The following PDE1C variants were observed in gnomAD, a reference collection of about 807,000 sequenced individuals.
The protein encoded by PDE1C is phosphodiesterase 1C.
In PDE1C, 62 loss-of-function variants were observed where a neutral mutation model predicts 93.1. The ratio of observed to expected loss-of-function variants is 0.67; its 90% CI spans 0.54 to 0.82. PDE1C has a LOEUF of 0.82. PDE1C is among the 40% of genes least tolerant of loss of function. The pLI, the probability that PDE1C is intolerant of heterozygous loss-of-function variation, is 0.00. For synonymous variants in PDE1C, 325 were observed against 310.1 expected (o/e 1.05, Z -0.50); for missense variants, 742 against 884.6 (o/e 0.84, Z 2.04).
At chr7:31,855,238 A>G (rs1287444438) in intron 7 of PDE1C, among the ~76,000 whole-genome samples, 1 of 152,072 alleles carries the variant, frequency 6.6e-6, no homozygotes, top group Non-Finnish European at 1.5e-5. Context: ...TCCCAAGAGT[A>G]TTCAGGGCAT....
At chr7:31,930,820 G>A (rs181952961) in intron 2 of PDE1C, among the ~76,000 whole-genome samples, 153 of 118,756 alleles carry the variant, frequency 1.3e-3, no homozygotes, top group African/African-American at 4.9e-3. Context: ...CTGCAGTCCA[G>A]CCTGGGCAAC....
chr7:31,993,839 A>G (rs184938230), intron 2 of PDE1C, among the ~76,000 whole-genome samples: 88 of 152,310 alleles, frequency 5.8e-4, no homozygotes, highest in Admixed American at 1.1e-3. Context: ...ATGATGAACT[A>G]AAGTGATCCC....
chr7:32,267,198 A>AGACC (rs1468879829), intron 1 of PDE1C, among the ~76,000 whole-genome samples: 1 of 152,238 alleles, frequency 6.6e-6, no homozygotes, highest in African/African-American at 2.4e-5. Flanking sequence ...GAGTGCAAGG[A>AGACC]GACCGGGTCA....
chr7:32,015,337 A>T (rs1269305363), intron 2 of PDE1C, among the ~76,000 whole-genome samples: 2 of 151,932 alleles, frequency 1.3e-5, no homozygotes, highest in Non-Finnish European at 2.9e-5. Context: ...GCTGAAAACC[A>T]TACAACTGGG....
At chr7:31,988,681 G>A (rs1165406529) in intron 2 of PDE1C, among the ~76,000 whole-genome samples, 1 of 152,138 alleles carries the variant, frequency 6.6e-6, no homozygotes, top group Admixed American at 6.6e-5. Flanking sequence ...ACAACAGAGT[G>A]AGACCCTGTC....
At chr7:32,349,947 C>T (rs985282721) in intron 1 of PDE1C, among the ~76,000 whole-genome samples, 1 of 152,134 alleles carries the variant, frequency 6.6e-6, no homozygotes, top group African/African-American at 2.4e-5. Flanking sequence ...ATTTTTTAAT[C>T]CCCTCTTTTT....
intron 2 of PDE1C, among the ~76,000 whole-genome samples, chr7:32,203,702 C>T (rs1332120144): frequency 6.6e-6 from 1 of 152,186 alleles, no homozygotes. Context: ...GGGATGGTGC[C>T]TAACATGATT....
At position 32,377,556 on chromosome 7, in the gene PDE1C, A is replaced by G. The variant is rs375236744; in HGVS notation, c.310+50266T>C. On this transcript the variant is annotated intron_variant, in intron 1 of 1. Coordinates refer to the PDE1C transcript ENST00000672256. Reference sequence around the variant, plus strand: ...TTTTATCCCTGCGCTTCCATCCTCAAATGTTCCAAGTCATCAATAATAGCT... The same window carrying G: ...TTTTATCCCTGCGCTTCCATCCTCAGATGTTCCAAGTCATCAATAATAGCT... 7.2e-5 allele frequency among the ~76,000 whole-genome samples: 11 copies of G among 152,216 alleles called. 2 individuals carry two copies. The highest frequency in any genetic ancestry group is 1.9e-4 in the East Asian group (1 of 5,184).
intron 2 of PDE1C, among the ~76,000 whole-genome samples, chr7:31,980,196 C>G (rs1812196466): frequency 6.6e-6 from 1 of 152,168 alleles, no homozygotes. Flanking sequence ...CAAAGCGGGC[C>G]AGGTCCACTT....
At chr7:31,690,973 A>G in the PDE1C span, among the ~76,000 whole-genome samples, 34 of 152,312 alleles carry the variant, frequency 2.2e-4, no homozygotes, top group African/African-American at 7.5e-4. Context: ...TAGGTGCATA[A>G]GACCATATCT....
intron 1 of PDE1C, among the ~76,000 whole-genome samples, chr7:32,348,747 G>C (rs1783901696): frequency 6.6e-6 from 1 of 152,112 alleles, no homozygotes. Flanking sequence ...CTCCCCAGAT[G>C]GCCATCAAAA....
At chr7:32,299,157 C>G (rs1211192701) in exon 1 of PDE1C, 2 of 1,002,104 alleles carry the variant, frequency 2.0e-6, no homozygotes, top group East Asian at 1.1e-4. Context: ...CCTTCCGTCT[C>G]TGGTGGCTGG....
intron 3 of PDE1C, among the ~76,000 whole-genome samples, chr7:32,089,571 CTG>C (rs935610938): frequency 6.6e-6 from 1 of 152,288 alleles, no homozygotes; most frequent in Admixed American, 6.5e-5. Context: ...AGTGCAGACA[CTG>C]GCAATGCTGA....
intron 2 of PDE1C, among the ~76,000 whole-genome samples, chr7:31,931,810 A>G (rs66610172): frequency 0.49 from 74,239 of 151,974 alleles, 18,302 homozygotes; most frequent in African/African-American, 0.52. Flanking sequence ...AACAAACCTG[A>G]AGGCATCACA....
intron 3 of PDE1C, among the ~76,000 whole-genome samples, chr7:32,127,791 T>A (rs1337756390): frequency 1.3e-5 from 2 of 152,034 alleles, no homozygotes; most frequent in African/African-American, 4.8e-5. Flanking sequence ...ATTGTAAAGA[T>A]GTAAATTATC....
intron 1 of PDE1C, among the ~76,000 whole-genome samples, chr7:32,339,876 T>G (rs1783714384): frequency 6.6e-6 from 1 of 152,088 alleles, no homozygotes; most frequent in Non-Finnish European, 1.5e-5. Flanking sequence ...GGGTGGCCAT[T>G]TGAGATCTGT....
At chr7:31,897,329 T>C (rs1799441222) in intron 2 of PDE1C, among the ~76,000 whole-genome samples, 1 of 152,210 alleles carries the variant, frequency 6.6e-6, no homozygotes, top group Non-Finnish European at 1.5e-5. Context: ...AGTGTCCTAT[T>C]ACAAATTAAG....
At chr7:31,895,580 TTCTC>T (rs60958547) in intron 2 of PDE1C, among the ~76,000 whole-genome samples, 20 of 144,802 alleles carry the variant, frequency 1.4e-4, no homozygotes, top group Non-Finnish European at 2.4e-4. Context: ...TTTCTCTCTT[TTCTC>T]TCTCTCTCTC....
At chr7:32,191,442 T>C (rs1804224520) in intron 2 of PDE1C, among the ~76,000 whole-genome samples, 1 of 152,106 alleles carries the variant, frequency 6.6e-6, no homozygotes, top group African/African-American at 2.4e-5. Flanking sequence ...ATCTTTATAG[T>C]TGTGTCATCT....
Sources: allele counts gnomAD v4.1 joint callset (sites outside exome capture counted in the v4.1 genomes callset), GRCh38; gene constraint gnomAD v4.1.1; transcripts MANE v1.5; gene names NCBI Gene and HGNC (gene_info 2026-07-23, HGNC 2026-07-21).